Variants in GHR observed in about 807,000 individuals in gnomAD.
GHR encodes growth hormone receptor.
In GHR, 35 loss-of-function variants were observed where a neutral mutation model predicts 67.1. The ratio of observed to expected loss-of-function variants is 0.52; its 90% CI spans 0.40 to 0.69. The LOEUF (loss-of-function observed/expected upper bound fraction) is 0.69. GHR is among the 30% of genes least tolerant of loss of function. The probability of loss-of-function intolerance (pLI) is 0.00; values close to 1 mark genes in which losing one functional copy is unlikely to be tolerated. For synonymous variants in GHR, 272 were observed against 269.1 expected, an observed-to-expected ratio of 1.01 and a Z score of -0.10; for missense variants, 792 against 764.6, an observed-to-expected ratio of 1.04 and a Z score of -0.42.
At chr5:42,499,745 A>G (rs576097267) in intron 1 of GHR, among the ~76,000 whole-genome samples, 1 of 152,360 alleles carries the variant, frequency 6.6e-6, no homozygotes, top group Admixed American at 6.5e-5. Context: ...TAGTTCAATT[A>G]TGGTGCTTAG....
intron 1 of GHR, among the ~76,000 whole-genome samples, chr5:42,555,188 C>G (rs1749242355): frequency 6.6e-6 from 1 of 152,152 alleles, no homozygotes; most frequent in Admixed American, 6.5e-5. Flanking sequence ...GGAGAGAGCA[C>G]ACTGCATAGC....
intron 1 of GHR, among the ~76,000 whole-genome samples, chr5:42,447,558 G>A (rs1743858424): frequency 6.6e-6 from 1 of 151,630 alleles, no homozygotes; most frequent in African/African-American, 2.4e-5. Flanking sequence ...CCATATTTTT[G>A]CAATGGCAAA....
chr5:42,483,564 T>C (rs1745750622), intron 1 of GHR, among the ~76,000 whole-genome samples: 1 of 152,068 alleles, frequency 6.6e-6, no homozygotes, highest in Admixed American at 6.5e-5. Context: ...GTATTGATAA[T>C]TATTATTGAG....
At chr5:42,441,861 G>A (rs78728187) in intron 1 of GHR, among the ~76,000 whole-genome samples, 3,582 of 152,190 alleles carry the variant, frequency 0.024, 79 homozygotes, top group Non-Finnish European at 0.033. Context: ...AACAATAATG[G>A]GGAAGACCAG....
intron 1 of GHR, among the ~76,000 whole-genome samples, chr5:42,532,048 C>T (rs1333594629): frequency 6.6e-6 from 1 of 151,908 alleles, no homozygotes; most frequent in Non-Finnish European, 1.5e-5. Flanking sequence ...TGACAAGATC[C>T]AGCCTGACAA....
intron 1 of GHR, among the ~76,000 whole-genome samples, chr5:42,526,363 C>A (rs953982901): frequency 6.6e-6 from 1 of 152,106 alleles, no homozygotes; most frequent in Non-Finnish European, 1.5e-5. Context: ...ATGTTGGAAG[C>A]TAGCAGAGGT....
chr5:42,562,106 C>T (rs1749640197), intron 1 of GHR, among the ~76,000 whole-genome samples: 1 of 152,168 alleles, frequency 6.6e-6, no homozygotes, highest in South Asian at 2.1e-4. Flanking sequence ...CATGTGTCCG[C>T]ACTCTGACGT....
intron 1 of GHR, among the ~76,000 whole-genome samples, chr5:42,506,892 A>G (rs1746801762): frequency 6.6e-6 from 1 of 152,216 alleles, no homozygotes; most frequent in Non-Finnish European, 1.5e-5. Flanking sequence ...TTATTAAGCA[A>G]ATTCATTGAA....
intron 1 of GHR, among the ~76,000 whole-genome samples, chr5:42,547,072 A>G (rs1554018046): frequency 6.6e-6 from 1 of 151,500 alleles, no homozygotes; most frequent in Non-Finnish European, 1.5e-5. Context: ...ATTTCAAAAC[A>G]TATTAGCCAC....
At chr5:42,685,044 C>A (rs929861034) in intron 3 of GHR, among the ~76,000 whole-genome samples, 1 of 152,018 alleles carries the variant, frequency 6.6e-6, no homozygotes, top group Non-Finnish European at 1.5e-5. Flanking sequence ...GCTGCACCCA[C>A]CAACCCGTCA....
chr5:42,562,163 C>A (rs1474260007), intron 1 of GHR, among the ~76,000 whole-genome samples: 1 of 152,108 alleles, frequency 6.6e-6, no homozygotes, highest in African/African-American at 2.4e-5. Context: ...GAGAAGGATT[C>A]CCTCATCTAG....
intron 2 of GHR, among the ~76,000 whole-genome samples, chr5:42,573,268 C>T (rs973659169): frequency 6.6e-6 from 1 of 152,152 alleles, no homozygotes; most frequent in African/African-American, 2.4e-5. Flanking sequence ...TTAGTATCCC[C>T]TTATAGTGGG....
At chr5:42,486,263 G>A (rs1177617976) in intron 1 of GHR, among the ~76,000 whole-genome samples, 1 of 152,128 alleles carries the variant, frequency 6.6e-6, no homozygotes, top group Non-Finnish European at 1.5e-5. Context: ...TCTATTCTCA[G>A]GCTGAACCCT....
intron 2 of GHR, among the ~76,000 whole-genome samples, chr5:42,598,399 A>G (rs1177780243): frequency 1.3e-5 from 2 of 152,176 alleles, no homozygotes; most frequent in African/African-American, 4.8e-5. Flanking sequence ...TGGGCAATCC[A>G]TTACCTGGGG....
chr5:42,688,467 G>T (rs1294510698), intron 3 of GHR, among the ~76,000 whole-genome samples: 1 of 152,154 alleles, frequency 6.6e-6, no homozygotes, highest in Non-Finnish European at 1.5e-5. Flanking sequence ...AGCCTCAGAG[G>T]GATTGGGCCC....
chr5:42,506,262 T>C lies in GHR; in HGVS notation c.-11-59602T>C, dbSNP rs138294301. On this transcript the variant is annotated intron_variant, in intron 1 of 9. Transcript: ENST00000230882. Reference sequence around the variant, plus strand: ...AAATATATTTAATGTGGAATTTTTTTCCCAAAAGCCCTTTCTAAGTGAGAT... The same window carrying C: ...AAATATATTTAATGTGGAATTTTTTCCCCAAAAGCCCTTTCTAAGTGAGAT... Among the ~76,000 whole-genome samples, 1,125 of 152,316 alleles carry C rather than the reference T, an allele frequency of 7.4e-3. 17 individuals are homozygous for C. The highest frequency in any genetic ancestry group is 0.026 in the African/African-American group (1,068 of 41,570).
intron 2 of GHR, among the ~76,000 whole-genome samples, chr5:42,614,519 A>G (rs1010734443): frequency 2.0e-5 from 3 of 146,956 alleles, no homozygotes; most frequent in Admixed American, 1.4e-4. Flanking sequence ...CCCACAGACC[A>G]TACTACCTAG....
At chr5:42,664,099 C>A (rs1408793868) in intron 3 of GHR, among the ~76,000 whole-genome samples, 1 of 152,058 alleles carries the variant, frequency 6.6e-6, no homozygotes, top group Non-Finnish European at 1.5e-5. Flanking sequence ...AAAGAGGATA[C>A]AAAGAAATGG....
chr5:42,516,331 G>A (rs181633719), intron 1 of GHR, among the ~76,000 whole-genome samples: 1 of 152,292 alleles, frequency 6.6e-6, no homozygotes, highest in Non-Finnish European at 1.5e-5. Context: ...TAAACCACCA[G>A]TTCATCTTTA....
Sources: gnomAD v4.1 joint callset for allele counts (sites outside exome capture counted in the v4.1 genomes callset) on GRCh38, gnomAD v4.1.1 for gene constraint, MANE v1.5 for transcripts, NCBI Gene and HGNC (gene_info 2026-07-23, HGNC 2026-07-21) for gene names.